The following PIEZO2 variants were observed in gnomAD, a reference collection of about 807,000 sequenced individuals.
PIEZO2 encodes piezo-type mechanosensitive ion channel component 2.
PIEZO2 carries 172 observed loss-of-function variants against 337.3 expected under a neutral mutation model. The observed-to-expected ratio is 0.51, with a 90% CI of 0.45 to 0.58. PIEZO2 has a LOEUF of 0.58. Ranked by LOEUF, PIEZO2 falls within the 20% of genes least tolerant of loss-of-function variation. PIEZO2 has a pLI of 0.00. For synonymous variants in PIEZO2, 1,251 were observed against 1,228.5 expected (o/e 1.02, Z -0.38); for missense variants, 3,028 against 3,391.3 (o/e 0.89, Z 2.66).
intron 39 of PIEZO2, among the ~76,000 whole-genome samples, chr18:10,714,031 C>G (rs1428140245): frequency 6.6e-6 from 1 of 152,170 alleles, no homozygotes; most frequent in East Asian, 1.9e-4. Flanking sequence ...AGCTTGGGTT[C>G]TGAGCTAAAC....
rs926572790 is a variant in PIEZO2, at chr18:11,048,751, T to C, written c.160+17376A>G. The stretch of plus-strand genomic sequence containing the variant: ...TAAAACATAAATAATACTATACCTG[T>C]CTCATGGGTATGGAAGCATTAAATG... On this transcript the variant is annotated intron_variant, in intron 2 of 55. Coordinates refer to ENST00000674853, the MANE Select transcript of PIEZO2 (RefSeq NM_001378183.1). This position sits in a 1 kb window ranked among gnomAD's most constrained non-coding sequence, Gnocchi z 4.5. Among the ~76,000 whole-genome samples, 1 of 152,214 alleles carries C rather than the reference T, an allele frequency of 6.6e-6. No homozygotes were observed. The highest frequency in any genetic ancestry group is 2.4e-5 in the African/African-American group (1 of 41,470).
chr18:10,827,851 T>G (rs953812123), intron 7 of PIEZO2, among the ~76,000 whole-genome samples: 1 of 152,224 alleles, frequency 6.6e-6, no homozygotes, highest in Admixed American at 6.5e-5. Context: ...AGGGGCTTCT[T>G]GATGTGTAGC....
At chr18:10,711,367 T>C (rs1436535478) in intron 39 of PIEZO2, among the ~76,000 whole-genome samples, 4 of 152,222 alleles carry the variant, frequency 2.6e-5, no homozygotes, top group Admixed American at 1.3e-4. Context: ...AGTTTGGTTC[T>C]AGAGCATCTT....
At chr18:10,985,052 A>T (rs996730444) in intron 2 of PIEZO2, among the ~76,000 whole-genome samples, 2 of 152,092 alleles carry the variant, frequency 1.3e-5, no homozygotes, top group African/African-American at 4.8e-5. Context: ...GAAATTTATA[A>T]CCACTAGAAC....
chr18:10,987,947 T>G (rs2034942309), intron 2 of PIEZO2, among the ~76,000 whole-genome samples: 2 of 152,102 alleles, frequency 1.3e-5, no homozygotes, highest in Non-Finnish European at 2.9e-5. Flanking sequence ...CTGGTCGACA[T>G]CACTAATTAT....
chr18:10,756,187 G>A (rs2037837542), intron 27 of PIEZO2, among the ~76,000 whole-genome samples: 1 of 149,282 alleles, frequency 6.7e-6, no homozygotes, highest in Non-Finnish European at 1.5e-5. Context: ...TGAGGATGAG[G>A]CAGAGGCAAA....
intron 43 of PIEZO2, among the ~76,000 whole-genome samples, chr18:10,700,526 T>G (rs1031849512): frequency 1.3e-5 from 2 of 152,050 alleles, no homozygotes; most frequent in African/African-American, 2.4e-5. Flanking sequence ...AAGATTTTAT[T>G]ATATGTTTTA....
rs1463805867 is a variant in PIEZO2 at position 11,115,097 on chromosome 18, G to A, written c.64+33428C>T. 4.6e-5 allele frequency among the ~76,000 whole-genome samples: 7 copies of A among 152,082 alleles called. No homozygotes were observed. The East Asian group carries it at 1.3e-3, about 29-fold the overall frequency. On this transcript the variant is annotated intron_variant, in intron 1 of 55. Transcript: ENST00000674853. ...TATTGTCTTCTATGTAATATTAAAG[G>A]GCTTCAAAGTTTATGGTACATTCAG...
intron 43 of PIEZO2, 108 bp from the exon 44 acceptor site, chr18:10,699,285 G>A: frequency 7.0e-7 from 1 of 1,425,344 alleles, no homozygotes; most frequent in Non-Finnish European, 9.4e-7. Context: ...GATTAGAAAA[G>A]CAAGATGATA....
At chr18:10,918,392 C>A (rs2145120283) in intron 3 of PIEZO2, among the ~76,000 whole-genome samples, 1 of 152,076 alleles carries the variant, frequency 6.6e-6, no homozygotes, top group East Asian at 1.9e-4. Context: ...TCATAAATAT[C>A]TAGATGGCAC....
intron 15 of PIEZO2, 28 bp downstream of exon 15, chr18:10,789,051 G>A: frequency 6.6e-7 from 1 of 1,518,896 alleles, no homozygotes. Context: ...AGAGATGTGA[G>A]AATTAAAATG....
intron 43 of PIEZO2, among the ~76,000 whole-genome samples, chr18:10,699,403 G>A (rs2035239146): frequency 6.6e-6 from 1 of 152,140 alleles, no homozygotes; most frequent in South Asian, 2.1e-4. Flanking sequence ...TGCTGTTCTC[G>A]TGGTAGTGAA....
intron 1 of PIEZO2, among the ~76,000 whole-genome samples, chr18:11,076,081 C>T (rs886146191): frequency 6.6e-6 from 1 of 152,102 alleles, no homozygotes; most frequent in Non-Finnish European, 1.5e-5. Context: ...CCACCGTGCC[C>T]GGCCTACAGA....
rs1598962230 is a variant in PIEZO2 at position 11,102,094 on chromosome 18, G to C, written c.65-35872C>G. 6.6e-6 allele frequency among the ~76,000 whole-genome samples: 1 copy of C among 152,288 alleles called. No homozygotes were observed. The highest frequency in any genetic ancestry group is 2.4e-5 in the African/African-American group (1 of 41,566). On this transcript the variant is annotated intron_variant, in intron 1 of 55. Coordinates refer to ENST00000674853, the MANE Select transcript of PIEZO2 (RefSeq NM_001378183.1). The surrounding 1 kb of genome is among the most constrained non-coding windows in gnomAD (Gnocchi z 5.7). ...TATTCCCTTTTTCAAAATGCTGAAA[G>C]GATAGACCAAAACCCTTCTAAACTA...
At chr18:10,768,808 A>T (rs2038472702) in intron 21 of PIEZO2, among the ~76,000 whole-genome samples, 1 of 152,170 alleles carries the variant, frequency 6.6e-6, no homozygotes, top group South Asian at 2.1e-4. Flanking sequence ...TGAAAAAGTT[A>T]TGTCTGCCTT....
chr18:10,919,938 C>T (rs1321945059), intron 3 of PIEZO2, among the ~76,000 whole-genome samples: 1 of 152,062 alleles, frequency 6.6e-6, no homozygotes, highest in Admixed American at 6.6e-5. Context: ...AAGGAATTTT[C>T]ACTAATAGGT....
Position 10,871,396 on chromosome 18 carries a change from C to T in PIEZO2, c.349G>A (p.Gly117Ser), listed in dbSNP as rs1165476783. The T allele has an allele frequency of 1.1e-5, 17 of 1,537,018 alleles. No individual in the cohort carries two copies. Residue 117 changes from glycine (G) to serine (S), a missense_variant, in exon 5 of 56, where the codon GGC (glycine) becomes AGC (serine). By Grantham distance (56) the Gly-to-Ser change is moderately conservative. Around this residue, in one of 5 missense-constraint regions of PIEZO2, gnomAD observed 542 missense variants for 605.6 expected, o/e 0.89. Coordinates refer to ENST00000674853, the MANE Select transcript of PIEZO2 (RefSeq NM_001378183.1). ...GFESLKGADA[G>S]NGIRVFVPDI... is the part of the protein sequence containing the mutation. ...GGTACAAACACTCTGATCCCATTGC[C>T]AGCATCAGCTCCCTTTAAGCTATAA...
chr18:11,095,232 G>A (rs1027866622), intron 1 of PIEZO2, among the ~76,000 whole-genome samples: 2 of 152,208 alleles, frequency 1.3e-5, no homozygotes, highest in Non-Finnish European at 2.9e-5. Context: ...AACCTTATCA[G>A]CACTTGGACT....
rs886829420 is a variant in PIEZO2 at position 10,833,002 on chromosome 18, G to A, written c.917+22351C>T. 3.3e-5 allele frequency among the ~76,000 whole-genome samples: 5 copies of A among 152,316 alleles called. No homozygotes were observed. The East Asian group carries it at 5.8e-4, about 18-fold the overall frequency. ...TCTCCTCACACAGCTGCTCCCATGA[G>A]CCCACTACAGGATCCTGGAGGCTCT... On this transcript the variant is annotated intron_variant, in intron 7 of 55. Coordinates refer to ENST00000674853, the MANE Select transcript of PIEZO2 (RefSeq NM_001378183.1). The surrounding 1 kb of genome is among the most constrained non-coding windows in gnomAD (Gnocchi z 4.7).
Sources: gnomAD v4.1 joint callset for allele counts (sites outside exome capture counted in the v4.1 genomes callset) on GRCh38, gnomAD v4.1.1 for gene constraint, gnomAD v4.1.1 regional missense constraint, Gnocchi (gnomAD v3.1) non-coding constraint, MANE v1.5 for transcripts, NCBI Gene and HGNC (gene_info 2026-07-23, HGNC 2026-07-21) for gene names.